Variants in HOXB13 observed in about 807,000 individuals in gnomAD.
The protein encoded by HOXB13 is homeobox B13.
In HOXB13, 22 loss-of-function variants were observed where a neutral mutation model predicts 23.1. The ratio of observed to expected loss-of-function variants is 0.95; its 90% CI spans 0.68 to 1.36. The LOEUF (loss-of-function observed/expected upper bound fraction) is 1.36, where lower values mean the gene tolerates loss of function less well. HOXB13 is among the 40% of genes most tolerant of loss of function. HOXB13 has a pLI of 0.00. For synonymous variants in HOXB13, 173 were observed against 157.9 expected (o/e 1.10, Z -0.72); for missense variants, 386 against 376.2 (o/e 1.03, Z -0.22).
Position 48,728,614 on chromosome 17 carries a change from G to C in HOXB13, c.-21C>G, listed in dbSNP as rs2038244387. ...TCCATGGAGCCGAGGGTCGGCTCATGAGGTGCGGGGGCGGGGAATCTAGGG... is the reference window on the plus strand; with the variant it reads ...TCCATGGAGCCGAGGGTCGGCTCATCAGGTGCGGGGGCGGGGAATCTAGGG... On this transcript the variant is annotated 5_prime_UTR_variant, in exon 1 of 2. Coordinates refer to ENST00000290295, the MANE Select transcript of HOXB13 (RefSeq NM_006361.6). The C allele has an allele frequency of 1.9e-6, 3 of 1,610,474 alleles. No individual in the cohort carries two copies. Among genetic ancestry groups the C allele is most frequent in the African/African-American group, 2.7e-5 (2 of 74,842 alleles).
rs1307981021 is a variant in HOXB13 at position 48,728,382 on chromosome 17, TG to T, written c.211del (p.Gln71ArgfsTer27). The T allele has an allele frequency of 1.2e-6, 2 of 1,613,788 alleles. No homozygotes were observed. The highest frequency in any genetic ancestry group is 1.7e-5 in the Admixed American group (1 of 60,022). ...AGGCACGGGAGCTGGGGACGTCCCCTGGGGCACCCCAGGGCATGGGTGGCAT... is the reference window on the plus strand; with the variant it reads ...AGGCACGGGAGCTGGGGACGTCCCCTGGGCACCCCAGGGCATGGGTGGCAT... ...KQCHPCPGVP[Q>X]GTSPAPVPYG... On this transcript the variant is annotated frameshift_variant, in exon 1 of 2. Transcript: ENST00000290295. LOFTEE classifies it high-confidence loss of function.
At position 48,724,869 on chromosome 17, in the gene HOXB13, C is replaced by T; in HGVS notation, c.*1921G>A. Reference sequence around the variant, plus strand: ...TAGAGCATGGGGAGTCCAGAGGTTCCAGACCCCCAAAGGTCTCTACCAGGG... The same window carrying T: ...TAGAGCATGGGGAGTCCAGAGGTTCTAGACCCCCAAAGGTCTCTACCAGGG... On this transcript the variant is annotated 3_prime_UTR_variant, in exon 2 of 2. Coordinates refer to ENST00000290295, the MANE Select transcript of HOXB13 (RefSeq NM_006361.6). 6 of 414,182 alleles carry T rather than the reference C, an allele frequency of 1.4e-5. No individual in the cohort carries two copies. Among genetic ancestry groups the T allele is most frequent in the Admixed American group, 1.3e-4 (3 of 22,520 alleles). 25.7% of individuals were successfully genotyped at this position (414,182 alleles called of 1,614,324 possible). A position where few individuals can be genotyped will look rare whatever the true frequency, so the allele number is the denominator to read the frequency against.
Position 48,728,542 on chromosome 17 carries a change from A to G in HOXB13, c.52T>C (p.Leu18=), listed in dbSNP as rs2038242723. The change falls in exon 1 of 2, where the codon TTG becomes CTG. Residue 18 remains leucine (L), a synonymous_variant. Transcript: ENST00000290295. ...TTCCGCCCCCCTCCCGCTCCCAGCA[A>G]GCCTTCGATATCCTTGGCTCCATCC... ...TLDGAKDIEG[L]LGAGGGRNLV... 2 of 1,613,038 alleles carry G rather than the reference A, an allele frequency of 1.2e-6. No individual in the cohort carries two copies. Among genetic ancestry groups the G allele is most frequent in the Admixed American group, 1.7e-5 (1 of 60,008 alleles).
Position 48,727,975 on chromosome 17 carries a change from C to G in HOXB13, c.601+18G>C. The G allele has an allele frequency of 6.2e-7, 1 of 1,605,972 alleles. No individual in the cohort carries two copies. Among genetic ancestry groups the G allele is most frequent in the Non-Finnish European group, 8.5e-7 (1 of 1,175,226 alleles). On this transcript the variant is annotated intron_variant, in intron 1 of 1. Coordinates refer to ENST00000290295, the MANE Select transcript of HOXB13 (RefSeq NM_006361.6). ...ACCCCAGGCTCAGAGACAAGGGGAC[C>G]CAGGGTAATAGAGGTACCTGCAAAT...
rs1247372223 is a variant in HOXB13, at chr17:48,728,220, G to A, written c.374C>T (p.Thr125Ile). Residue 125 changes from threonine (T) to isoleucine (I), a missense_variant, in exon 1 of 2, where the codon ACT (threonine) becomes ATT (isoleucine). By Grantham distance (89) the Thr-to-Ile change is moderately conservative (BLOSUM62 -1). Coordinates refer to ENST00000290295, the MANE Select transcript of HOXB13 (RefSeq NM_006361.6). The part of the protein sequence containing the change: ...TAGEEYPSRP[T>I]EFAFYPGYPG... ...ATATCCCGGATAGAAGGCAAACTCA[G>A]TGGGGCGGCTGGGGTACTCTTCCCC... 1.9e-6 allele frequency: 3 copies of A among 1,614,232 alleles called. No individual in the cohort carries two copies. Among genetic ancestry groups the A allele is most frequent in the South Asian group, 1.1e-5 (1 of 91,084 alleles).
chr17:48,725,803 G>C lies in HOXB13; in HGVS notation c.*987C>G, dbSNP rs1263121579. On this transcript the variant is annotated 3_prime_UTR_variant, in exon 2 of 2. Coordinates refer to ENST00000290295, the MANE Select transcript of HOXB13 (RefSeq NM_006361.6). ...GGCAGAGGCCCTCATGTCCCTCTCA[G>C]AGTCCCGGCTCTGCAAAGAGCCCGT... is the stretch of plus-strand genomic sequence containing the variant. The C allele has an allele frequency of 2.0e-5, 3 of 152,290 alleles. No individual in the cohort carries two copies. The highest frequency in any genetic ancestry group is 4.4e-5 in the Non-Finnish European group (3 of 68,098). 9.4% of individuals were successfully genotyped at this position (152,290 alleles called of 1,614,324 possible).
In HOXB13 at chr17:48,725,030, G is replaced by GT. The variant is rs747139186; in HGVS notation, c.*1759dup. 6.3e-5 allele frequency: 12 copies of GT among 191,864 alleles called. No individual in the cohort carries two copies. Among genetic ancestry groups the GT allele is most frequent in the Non-Finnish European group, 1.2e-4 (11 of 95,206 alleles). The allele number at this position is 191,864 out of a possible 1,614,324, so 11.9% of individuals were successfully genotyped here. ...GCCCATCTGCGCTGAACTCTCGCCA[G>GT]TTCCGAAGTCGGCGAGGGAGGGGGT... On this transcript the variant is annotated 3_prime_UTR_variant, in exon 2 of 2. Coordinates refer to ENST00000290295, the MANE Select transcript of HOXB13 (RefSeq NM_006361.6).
rs145059285 is a variant in HOXB13, at chr17:48,727,011, C to G, written c.634G>C (p.Ala212Pro). Reference sequence around the variant, plus strand: ...CGTTTCTTGCGGCCGCGACGAAAGGCGCAGGCGTCAGGAGGGTGCTGCCCG... The same window carrying G: ...CGTTTCTTGCGGCCGCGACGAAAGGGGCAGGCGTCAGGAGGGTGCTGCCCG... ...SSGQHPPDAC[A>P]FRRGRKKRIP... Residue 212 changes from alanine (A) to proline (P), a missense_variant, in exon 2 of 2, where the codon GCC becomes CCC. Ala to Pro is a conservative substitution (Grantham distance 27). Coordinates refer to ENST00000290295, the MANE Select transcript of HOXB13 (RefSeq NM_006361.6). 1.2e-6 allele frequency: 2 copies of G among 1,610,008 alleles called. No homozygotes were observed. Among genetic ancestry groups the G allele is most frequent in the South Asian group, 1.1e-5 (1 of 91,076 alleles).
rs1396490634 is a variant in HOXB13, at chr17:48,724,833, AGT to A, written c.*1955_*1956del. 2.0e-6 allele frequency: 1 copy of A among 499,858 alleles called. No individual in the cohort carries two copies. The highest frequency in any genetic ancestry group is 3.1e-6 in the Non-Finnish European group (1 of 320,276). The allele number at this position is 499,858 out of a possible 1,614,324, so 31.0% of individuals were successfully genotyped here. A position where few individuals can be genotyped will look rare whatever the true frequency, so the allele number is the denominator to read the frequency against. Reference sequence around the variant, plus strand: ...CTCAAGTTTAAGTTTCTGATAGCAGAGTGTGGGAGTTAGAGCATGGGGAGTCC... The same window carrying A: ...CTCAAGTTTAAGTTTCTGATAGCAGAGTGGGAGTTAGAGCATGGGGAGTCC... On this transcript the variant is annotated 3_prime_UTR_variant, in exon 2 of 2. Transcript: ENST00000290295.
Position 48,724,829 on chromosome 17 carries a change from G to A in HOXB13, c.*1961C>T. On this transcript the variant is annotated 3_prime_UTR_variant, in exon 2 of 2. Coordinates refer to ENST00000290295, the MANE Select transcript of HOXB13 (RefSeq NM_006361.6). ...AATCCTCAAGTTTAAGTTTCTGATA[G>A]CAGAGTGTGGGAGTTAGAGCATGGG... 1 of 515,600 alleles carries A rather than the reference G, an allele frequency of 1.9e-6. No homozygotes were observed. 31.9% of individuals were successfully genotyped at this position (515,600 alleles called of 1,614,324 possible). A position where few individuals can be genotyped will look rare whatever the true frequency, so the allele number is the denominator to read the frequency against.
Position 48,726,535 on chromosome 17 carries a change from G to A in HOXB13, c.*255C>T. On this transcript the variant is annotated 3_prime_UTR_variant, in exon 2 of 2. Coordinates refer to ENST00000290295, the MANE Select transcript of HOXB13 (RefSeq NM_006361.6). ...GTTATCGTGATTATTGCCACTGTCA[G>A]GATGAATGATTATGACTGGGCCAGG... 2 of 545,174 alleles carry A rather than the reference G, an allele frequency of 3.7e-6. No individual in the cohort carries two copies. Among genetic ancestry groups the A allele is most frequent in the Non-Finnish European group, 3.3e-6 (1 of 305,392 alleles). The allele number at this position is 545,174 out of a possible 1,614,324, so 33.8% of individuals were successfully genotyped here.
rs2038227497 is a variant in HOXB13, at chr17:48,727,937, A to G, written c.601+56T>C. On this transcript the variant is annotated intron_variant, in intron 1 of 1. Coordinates refer to ENST00000290295, the MANE Select transcript of HOXB13 (RefSeq NM_006361.6). Reference sequence around the variant, plus strand: ...CTCCTCCTCCTCCCAGGGAAATGCCATTGGGACCCACAACCCCAGGCTCAG... The same window carrying G: ...CTCCTCCTCCTCCCAGGGAAATGCCGTTGGGACCCACAACCCCAGGCTCAG... The G allele has an allele frequency of 6.4e-6, 10 of 1,565,274 alleles. No homozygotes were observed. In the Admixed American group the frequency reaches 1.8e-4, roughly 28 times the overall value.
rs755838178 is a variant in HOXB13, at chr17:48,726,825, C to T, written c.820G>A (p.Val274Ile). ...GCGCTGTTCTTCACCTTGGCGAGAACCTTCTTCTCTTTGACCCGGCGGTTC... is the reference window on the plus strand; with the variant it reads ...GCGCTGTTCTTCACCTTGGCGAGAATCTTCTTCTCTTTGACCCGGCGGTTC... ...FQNRRVKEKK[V>I]LAKVKNSATP The change falls in exon 2 of 2, where the codon GTT (valine) becomes ATT (isoleucine). Residue 274 changes from valine (V) to isoleucine (I), a missense_variant. By Grantham distance (29) the Val-to-Ile change is conservative. Transcript: ENST00000290295. The T allele has an allele frequency of 1.9e-6, 3 of 1,614,188 alleles. No individual in the cohort carries two copies. Among genetic ancestry groups the T allele is most frequent in the South Asian group, 1.1e-5 (1 of 91,070 alleles).
rs763448911 is a variant in HOXB13, at chr17:48,728,292, G to A, written c.302C>T (p.Ala101Val). The A allele has an allele frequency of 1.1e-5, 18 of 1,614,014 alleles. No individual in the cohort carries two copies. The highest frequency in any genetic ancestry group is 4.0e-5 in the African/African-American group (3 of 74,936). Reference sequence around the variant, plus strand: ...GTACGCGGCCAGGGTGGCTGCCTGGGCACAGGGTTTCAGCGAGCTCCGGGA... The same window carrying A: ...GTACGCGGCCAGGGTGGCTGCCTGGACACAGGGTTTCAGCGAGCTCCGGGA... ...RVSRSSLKPC[A>V]QAATLAAYPA... Residue 101 changes from alanine to valine, a missense_variant, in exon 1 of 2, where the codon GCC becomes GTC. By Grantham distance (64) the Ala-to-Val change is moderately conservative. Transcript: ENST00000290295.
chr17:48,727,953 C>T, intron 1 of HOXB13, 40 bp downstream of exon 1: 1 of 1,587,206 alleles, frequency 6.3e-7, no homozygotes, highest in Non-Finnish European at 8.6e-7. Flanking sequence ...ACCCACAACC[C>T]CAGGCTCAGA....
intron 1 of HOXB13, 48 bp from the exon 2 acceptor site, chr17:48,727,091 C>T (rs748263382): frequency 1.3e-5 from 21 of 1,589,044 alleles, no homozygotes; most frequent in African/African-American, 2.7e-5. Flanking sequence ...CAGATACCCA[C>T]CCATGCAGAC....
At chr17:48,727,391 T>C (rs182550304) in intron 1 of HOXB13, among the ~76,000 whole-genome samples, 27 of 152,158 alleles carry the variant, frequency 1.8e-4, no homozygotes, top group African/African-American at 5.1e-4. Context: ...CTCTTTTAGA[T>C]TCTACAGGCA....
intron 1 of HOXB13, 30 bp from the exon 2 acceptor site, chr17:48,727,073 G>C (rs774673264): frequency 4.0e-5 from 64 of 1,599,220 alleles, no homozygotes; most frequent in Non-Finnish European, 4.5e-5. Context: ...GGGAGGAAAA[G>C]GCATGGTCAG....
rs963980439 is a variant in HOXB13, at chr17:48,724,815, T to A, written c.*1975A>T. The A allele has an allele frequency of 5.1e-6, 3 of 591,698 alleles. No homozygotes were observed. Among genetic ancestry groups the A allele is most frequent in the Admixed American group, 4.4e-5 (1 of 22,916 alleles). 36.7% of individuals were successfully genotyped at this position (591,698 alleles called of 1,614,324 possible). ...TGAAAAACAGAGAAAATCCTCAAGT[T>A]TAAGTTTCTGATAGCAGAGTGTGGG... is the stretch of plus-strand genomic sequence containing the variant. On this transcript the variant is annotated 3_prime_UTR_variant, in exon 2 of 2. Coordinates refer to ENST00000290295, the MANE Select transcript of HOXB13 (RefSeq NM_006361.6).
Sources: allele counts gnomAD v4.1 joint callset (sites outside exome capture counted in the v4.1 genomes callset), GRCh38; gene constraint gnomAD v4.1.1; transcripts MANE v1.5; gene names NCBI Gene and HGNC (gene_info 2026-07-23, HGNC 2026-07-21).